Variants in BTAF1 observed in about 807,000 individuals in gnomAD.
BTAF1 encodes TATA-binding protein-associated factor 172.
In BTAF1, 38 loss-of-function variants were observed where a neutral mutation model predicts 227.1. That is an observed-to-expected ratio of 0.17 (90% CI 0.13 to 0.22). BTAF1 has a LOEUF of 0.22. BTAF1 is among the 10% of genes least tolerant of loss of function. The probability of loss-of-function intolerance (pLI) is 1.00; values close to 1 mark genes in which losing one functional copy is unlikely to be tolerated. For missense variants in BTAF1, 1,598 were observed against 2,204.0 expected (o/e 0.73, Z 5.51); for synonymous variants, 742 against 751.9 (o/e 0.99, Z 0.21).
At chr10:91,997,314 T>C (rs1472114282) in intron 24 of BTAF1, 10 of 522,802 alleles carry the variant, frequency 1.9e-5, no homozygotes, top group Non-Finnish European at 6.1e-6. Context: ...CTTGTAGCAA[T>C]TTCTCTATGA....
chr10:91,951,595 C>A (rs781046808), intron 5 of BTAF1, 29 bp downstream of exon 5: 49 of 1,558,694 alleles, frequency 3.1e-5, no homozygotes, highest in African/African-American at 1.4e-5. Context: ...TATTTGATTG[C>A]AAGTAATAAT....
At chr10:91,987,794 C>T (rs552907095) in intron 19 of BTAF1, among the ~76,000 whole-genome samples, 4 of 152,174 alleles carry the variant, frequency 2.6e-5, no homozygotes, top group Admixed American at 1.3e-4. Context: ...TCTCCACTCA[C>T]GCCCAGTTAG....
At chr10:92,023,463 C>G (rs746555778) in intron 34 of BTAF1, among the ~76,000 whole-genome samples, 18 of 152,112 alleles carry the variant, frequency 1.2e-4, no homozygotes, top group Non-Finnish European at 2.4e-4. Flanking sequence ...TGAGGCAGAT[C>G]ACCTAAGGTC....
chr10:91,981,258 T>C (rs1848042062), intron 15 of BTAF1, among the ~76,000 whole-genome samples: 1 of 152,206 alleles, frequency 6.6e-6, no homozygotes, highest in Non-Finnish European at 1.5e-5. Flanking sequence ...CCTTTGAGTT[T>C]AGCAGAGAAT....
intron 32 of BTAF1, among the ~76,000 whole-genome samples, chr10:92,016,012 T>G (rs113070417): frequency 5.9e-5 from 9 of 152,288 alleles, no homozygotes; most frequent in African/African-American, 2.2e-4. Context: ...TAAGACTCAA[T>G]TTTTCTAAGA....
intron 2 of BTAF1, among the ~76,000 whole-genome samples, chr10:91,938,173 T>C (rs1844762521): frequency 6.6e-6 from 1 of 152,234 alleles, no homozygotes; most frequent in African/African-American, 2.4e-5. Flanking sequence ...TTGCGAAAGT[T>C]CTTCATATGG....
intron 1 of BTAF1, among the ~76,000 whole-genome samples, chr10:91,924,397 T>A (rs1478509546): frequency 6.6e-6 from 1 of 152,130 alleles, no homozygotes; most frequent in East Asian, 1.9e-4. Flanking sequence ...TAGGGGAGTC[T>A]CTTATCTTTC....
At chr10:92,018,679 G>A (rs1850906886) in intron 33 of BTAF1, 104 bp from the exon 34 acceptor site, 1 of 1,033,460 alleles carries the variant, frequency 9.7e-7, no homozygotes, top group African/African-American at 1.6e-5. Flanking sequence ...GAGGGAGAAA[G>A]GCATTCTAAA....
chr10:91,954,763 GCCTAGGCTGGTCTC>G (rs1845984616), intron 6 of BTAF1, among the ~76,000 whole-genome samples: 1 of 152,086 alleles, frequency 6.6e-6, no homozygotes, highest in Non-Finnish European at 1.5e-5. Context: ...TTCCTATGTT[GCCTAGGCTGGTCTC>G]TAACTCCTTG....
At position 91,939,958 on chromosome 10, in the gene BTAF1, A is replaced by G. The variant is rs763116213; in HGVS notation, c.145A>G (p.Ile49Val). 7 of 1,605,470 alleles carry G rather than the reference A, an allele frequency of 4.4e-6. No homozygotes were observed. The highest frequency in any genetic ancestry group is 1.1e-5 in the South Asian group (1 of 90,274). ...TTATTTTATAATTTTTAAGGTGTTG[A>G]TATATTTAAGGAGTGCAAATTGGGA... Reference protein sequence around the residue: ...ELNNLLSKVLIYLRSANWDTR... With the variant: ...ELNNLLSKVLVYLRSANWDTR... The change falls in exon 3 of 38, where the codon ATA (isoleucine) becomes GTA (valine). Residue 49 changes from isoleucine (I) to valine (V), a missense_variant. Coordinates refer to ENST00000265990, the MANE Select transcript of BTAF1 (RefSeq NM_003972.3).
intron 34 of BTAF1, among the ~76,000 whole-genome samples, chr10:92,024,223 TA>T (rs1236393938): frequency 1.1e-4 from 16 of 152,236 alleles, no homozygotes; most frequent in African/African-American, 3.6e-4. Flanking sequence ...TTCTTTTCTA[TA>T]ATTTTTTCTA....
intron 4 of BTAF1, among the ~76,000 whole-genome samples, chr10:91,944,465 T>A (rs565913477): frequency 7.2e-5 from 11 of 152,330 alleles, no homozygotes; most frequent in Middle Eastern, 3.4e-3. Context: ...TCTGTGTAAG[T>A]GTATTGGGGT....
chr10:92,022,775 A>C (rs1192504453), intron 34 of BTAF1, among the ~76,000 whole-genome samples: 2 of 152,124 alleles, frequency 1.3e-5, no homozygotes, highest in African/African-American at 2.4e-5. Flanking sequence ...GACACCTTAG[A>C]TAGGACTTTT....
chr10:91,967,468 A>G (rs933514463), intron 14 of BTAF1, among the ~76,000 whole-genome samples: 8 of 152,226 alleles, frequency 5.3e-5, no homozygotes, highest in African/African-American at 1.9e-4. Flanking sequence ...GTTTGGGCCA[A>G]TCATTTTTTA....
At chr10:91,960,513 A>G (rs1465308974) in intron 11 of BTAF1, among the ~76,000 whole-genome samples, 1 of 152,148 alleles carries the variant, frequency 6.6e-6, no homozygotes, top group East Asian at 1.9e-4. Context: ...TATGCAGTAT[A>G]CATACAGGAG....
At position 91,923,928 on chromosome 10, in the gene BTAF1, C is replaced by G; in HGVS notation, c.-149C>G. The G allele has an allele frequency of 1.0e-6, 1 of 991,164 alleles. No individual in the cohort carries two copies. The highest frequency in any genetic ancestry group is 2.1e-5 in the South Asian group (1 of 47,608). 61.4% of individuals were successfully genotyped at this position (991,164 alleles called of 1,614,324 possible). A position where few individuals can be genotyped will look rare whatever the true frequency, so the allele number is the denominator to read the frequency against. On this transcript the variant is annotated 5_prime_UTR_variant, in exon 1 of 38. Transcript: ENST00000265990. ...TCGGGTAGGCGGCAGGGCAGATGCC[C>G]GAGGGCCTGCGCTGGAACGCCCCAC...
chr10:92,009,251 ATAAT>A (rs1457398223), intron 28 of BTAF1, 43 bp downstream of exon 28: 1 of 1,575,902 alleles, frequency 6.3e-7, no homozygotes. Context: ...ATCTGTTGTC[ATAAT>A]TAAGATAAGG....
chr10:92,017,378 G>C (rs1850810975), intron 33 of BTAF1, among the ~76,000 whole-genome samples: 1 of 152,188 alleles, frequency 6.6e-6, no homozygotes, highest in Admixed American at 6.5e-5. Context: ...ATAGCAAAAA[G>C]AGGTGGCAAG....
At chr10:91,959,913 C>T in intron 10 of BTAF1, 33 bp downstream of exon 10, 1 of 1,600,462 alleles carries the variant, frequency 6.2e-7, no homozygotes, top group Non-Finnish European at 8.5e-7. Context: ...TTTGCCCAAT[C>T]AAATTTCAAA....
Sources: allele counts gnomAD v4.1 joint callset (sites outside exome capture counted in the v4.1 genomes callset), GRCh38; gene constraint gnomAD v4.1.1; transcripts MANE v1.5; gene names NCBI Gene and HGNC (gene_info 2026-07-23, HGNC 2026-07-21).